Variants in PHYKPL observed in about 807,000 individuals in gnomAD.
PHYKPL encodes the protein 5-phosphohydroxy-L-lysine phospho-lyase.
Under a neutral mutation model 51.3 loss-of-function variants are expected in PHYKPL, and 42 were observed. That is an observed-to-expected ratio of 0.82 (90% CI 0.64 to 1.06). The LOEUF is 1.06. Among genes scored for constraint, PHYKPL ranks in the 50% least tolerant of loss-of-function variants. The pLI is 0.00. For synonymous variants in PHYKPL, 264 were observed against 236.0 expected, an observed-to-expected ratio of 1.12 and a Z score of -1.09; for missense variants, 655 against 586.6, an observed-to-expected ratio of 1.12 and a Z score of -1.20.
intron 1 of PHYKPL, chr5:178,232,133 C>G: frequency 8.4e-7 from 1 of 1,195,082 alleles, no homozygotes; most frequent in Non-Finnish European, 1.1e-6. Context: ...GCTGACGGGC[C>G]ACCCTGGGTG....
chr5:178,214,951 T>C (rs1759450284), intron 9 of PHYKPL, 66 bp from the exon 10 acceptor site: 4 of 1,459,066 alleles, frequency 2.7e-6, no homozygotes, highest in Non-Finnish European at 2.8e-6. Flanking sequence ...GGCCTCAGCC[T>C]CTGGGCTCCT....
At chr5:178,207,357 T>G (rs1757113750), downstream of PHYKPL, 10 of 1,062,858 alleles carry the variant, frequency 9.4e-6, no homozygotes, top group Non-Finnish European at 1.4e-5. Flanking sequence ...CTGAAGCGTA[T>G]GCTGCCCTGA....
intron 3 of PHYKPL, among the ~76,000 whole-genome samples, chr5:178,226,248 C>G (rs1134369): frequency 6.6e-6 from 1 of 151,614 alleles, no homozygotes; most frequent in Admixed American, 6.6e-5. Context: ...GCTAATTTTT[C>G]GTATTTTCAG....
intron 8 of PHYKPL, among the ~76,000 whole-genome samples, chr5:178,218,168 G>A (rs1760298585): frequency 9.1e-6 from 1 of 109,948 alleles, no homozygotes; most frequent in Admixed American, 1.2e-4. Context: ...AGTGAGTCGA[G>A]ATCGCGCCAC....
chr5:178,229,371 G>A lies in PHYKPL; in HGVS notation c.338+569C>T, dbSNP rs1218655059. On this transcript the variant is annotated intron_variant, in intron 3 of 12. Coordinates refer to ENST00000308158, the MANE Select transcript of PHYKPL (RefSeq NM_153373.4). Reference sequence around the variant, plus strand: ...GATCCGCCCACCTCGATCTCCCGAAGTGCTGGGATTACAGGCATGAGCCAT... The same window carrying A: ...GATCCGCCCACCTCGATCTCCCGAAATGCTGGGATTACAGGCATGAGCCAT... 2.0e-5 allele frequency among the ~76,000 whole-genome samples: 3 copies of A among 152,274 alleles called. No individual in the cohort carries two copies. The East Asian group carries it at 5.8e-4, about 29-fold the overall frequency.
intron 3 of PHYKPL, chr5:178,226,117 C>T (rs1021504298): frequency 6.8e-6 from 1 of 146,690 alleles, no homozygotes; most frequent in Non-Finnish European, 1.5e-5. Flanking sequence ...ACTCTGTTGC[C>T]CGGGCTGGAG....
chr5:178,229,943 G>C lies in PHYKPL; in HGVS notation c.335C>G (p.Ser112Cys), dbSNP rs1197050388. 6.2e-7 allele frequency: 1 copy of C among 1,613,302 alleles called. No homozygotes were observed. The highest frequency in any genetic ancestry group is 8.5e-7 in the Non-Finnish European group (1 of 1,179,322). Residue 112 changes from serine (S) to cysteine (C), a missense_variant, in exon 3 of 13, where the codon TCT becomes TGT. Physicochemically the swap from Ser to Cys is moderately radical, Grantham distance 112 (BLOSUM62 -1). Coordinates refer to ENST00000308158, the MANE Select transcript of PHYKPL (RefSeq NM_153373.4). ...EQLCVFYFLN[S>C]GSEANDLALR... ...GGGCTGGCCACAGTCCACTTACCCA[G>C]AATTCAGGAAATAGAACACACAGAG...
intron 6 of PHYKPL, chr5:178,223,697 G>A (rs1761675460): frequency 2.9e-6 from 1 of 347,942 alleles, no homozygotes; most frequent in African/African-American, 2.2e-5. Context: ...GCCTTTCTTT[G>A]TCGTACCTCC....
At position 178,232,491 on chromosome 5, in the gene PHYKPL, C is replaced by G. The variant is rs997541817; in HGVS notation, c.59+1G>C. On this transcript the variant is annotated splice_donor_variant, in intron 1 of 12. Coordinates refer to ENST00000308158, the MANE Select transcript of PHYKPL (RefSeq NM_153373.4). LOFTEE classifies it high-confidence loss of function. ...CCGCCGCCCGCCCCCCGCCCGGGTA[C>G]CTGATGAGCCGTTGCCTCAGGGCCA... The G allele has an allele frequency of 5.9e-6, 8 of 1,356,972 alleles. No homozygotes were observed. Among genetic ancestry groups the G allele is most frequent in the African/African-American group, 4.6e-5 (3 of 64,804 alleles). 84.1% of individuals were successfully genotyped at this position (1,356,972 alleles called of 1,614,324 possible).
chr5:178,214,687 TG>T, intron 10 of PHYKPL, 108 bp downstream of exon 10: 1 of 968,280 alleles, frequency 1.0e-6, no homozygotes, highest in Non-Finnish European at 1.6e-6. Context: ...ATCAAGTCTG[TG>T]GCCCAGAGTG....
At chr5:178,211,186 C>CTGTG (rs1173983741) in intron 12 of PHYKPL, 3 of 151,900 alleles carry the variant, frequency 2.0e-5, no homozygotes, top group Non-Finnish European at 2.9e-5. Context: ...GTGGGATATG[C>CTGTG]TGTGTGAGAC....
chr5:178,213,672 G>A (rs1581226431), intron 10 of PHYKPL, among the ~76,000 whole-genome samples: 1 of 152,204 alleles, frequency 6.6e-6, no homozygotes, highest in African/African-American at 2.4e-5. Flanking sequence ...GAGATGAGGG[G>A]TCTGCATGAT....
chr5:178,221,005 G>A (rs189225259), intron 8 of PHYKPL, among the ~76,000 whole-genome samples: 6 of 152,236 alleles, frequency 3.9e-5, no homozygotes, highest in African/African-American at 1.4e-4. Flanking sequence ...GGTGGAGAAG[G>A]CAACAAGAGG....
chr5:178,232,281 C>T (rs1763633007), intron 1 of PHYKPL: 2 of 1,244,212 alleles, frequency 1.6e-6, no homozygotes, highest in Non-Finnish European at 2.0e-6. Flanking sequence ...GGGGAGGCGG[C>T]CCCGGAGACC....
rs748799262 is a variant in PHYKPL, at chr5:178,215,296, A to G, written c.1062T>C (p.His354=). The G allele has an allele frequency of 6.2e-7, 1 of 1,613,872 alleles. No homozygotes were observed. The highest frequency in any genetic ancestry group is 1.7e-5 in the Admixed American group (1 of 59,990). The change falls in exon 9 of 13, where the codon CAT becomes CAC. Residue 354 remains histidine, a synonymous_variant. Coordinates refer to ENST00000308158, the MANE Select transcript of PHYKPL (RefSeq NM_153373.4). ...CTCACCTGACATCCCCGACGATGGG[A>G]TGTTTGATTTTTTGCTGCCCGAGGA... ...MQLLGQQKIK[H]PIVGDVRGVG...
At position 178,211,900 on chromosome 5, in the gene PHYKPL, C is replaced by T. The variant is rs760832482; in HGVS notation, c.*21G>A. On this transcript the variant is annotated 3_prime_UTR_variant, in exon 12 of 13. Transcript: ENST00000308158. The stretch of plus-strand genomic sequence containing the variant: ...GCAAGGCCCACTCACCTGGAGTACA[C>T]TTAGGCAGAGCAGGGCTGGCTTAGG... 7.4e-6 allele frequency: 12 copies of T among 1,613,538 alleles called. No individual in the cohort carries two copies. The Admixed American group carries it at 1.5e-4, about 20-fold the overall frequency.
rs368316133 is a variant in PHYKPL, at chr5:178,229,964, C to A, written c.314G>T (p.Cys105Phe). 3.1e-6 allele frequency: 5 copies of A among 1,614,126 alleles called. No homozygotes were observed. The highest frequency in any genetic ancestry group is 2.2e-5 in the South Asian group (2 of 91,086). ...RLSETLPEQL[C>F]VFYFLNSGSE... ...CCCAGAATTCAGGAAATAGAACACACAGAGCTGCTCCGGCAGGGTCTCTGA... is the reference window on the plus strand; with the variant it reads ...CCCAGAATTCAGGAAATAGAACACAAAGAGCTGCTCCGGCAGGGTCTCTGA... The change falls in exon 3 of 13, where the codon TGT becomes TTT. Residue 105 changes from cysteine to phenylalanine, a missense_variant. Transcript: ENST00000308158.
chr5:178,219,739 C>T (rs185651425), intron 8 of PHYKPL, among the ~76,000 whole-genome samples: 7 of 151,978 alleles, frequency 4.6e-5, no homozygotes, highest in Non-Finnish European at 8.8e-5. Flanking sequence ...CGTGAGCCAC[C>T]GCACCCGACC....
rs1581406754 is a variant in PHYKPL at position 178,232,711 on chromosome 5, C to T, written c.-161G>A. The T allele has an allele frequency of 2.5e-6, 2 of 801,270 alleles. No homozygotes were observed. Among genetic ancestry groups the T allele is most frequent in the South Asian group, 6.3e-5 (1 of 15,962 alleles). The allele number at this position is 801,270 out of a possible 1,614,324, so 49.6% of individuals were successfully genotyped here. A position where few individuals can be genotyped will look rare whatever the true frequency, so the allele number is the denominator to read the frequency against. ...CCGAAGCGCCCGCGTTGCGGTGGTT[C>T]ATTTCTTCGCTTGCCCACTGGGCCT... On this transcript the variant is annotated 5_prime_UTR_variant, in exon 1 of 13. The change abolishes an upstream ATG in the 5' untranslated region. Transcript: ENST00000308158.
Sources: allele counts gnomAD v4.1 joint callset (sites outside exome capture counted in the v4.1 genomes callset), GRCh38; gene constraint gnomAD v4.1.1; transcripts MANE v1.5; gene names NCBI Gene and HGNC (gene_info 2026-07-23, HGNC 2026-07-21).